The following SLC10A1 variants were observed in gnomAD, a reference collection of about 807,000 sequenced individuals.
SLC10A1 encodes solute carrier family 10 member 1.
Under a neutral mutation model 20.5 loss-of-function variants are expected in SLC10A1, and 36 were observed. That is an observed-to-expected ratio of 1.75 (90% CI 1.34 to 2.32). The LOEUF is 2.32. Ranked by LOEUF, SLC10A1 falls within the 30% of genes most tolerant of loss-of-function variation. The probability of loss-of-function intolerance (pLI) is 0.00; values close to 1 mark genes in which losing one functional copy is unlikely to be tolerated. For synonymous variants in SLC10A1, 188 were observed against 163.6 expected, an observed-to-expected ratio of 1.15 and a Z score of -1.14; for missense variants, 545 against 439.1, an observed-to-expected ratio of 1.24 and a Z score of -2.16.
Position 69,786,282 on chromosome 14 carries a change from AG to A in SLC10A1, c.381del (p.Phe128SerfsTer6), listed in dbSNP as rs1883711725. ...NLSIVMTTCS[T>X]FCALGMMPLL... ...AGAGGCATCATGCCAAGGGCACAGAAGGTGGAGCAGGTGGTCATCACAATGC... is the reference window on the plus strand; with the variant it reads ...AGAGGCATCATGCCAAGGGCACAGAAGTGGAGCAGGTGGTCATCACAATGC... On this transcript the variant is annotated frameshift_variant, in exon 2 of 5. Coordinates refer to ENST00000216540, the MANE Select transcript of SLC10A1 (RefSeq NM_003049.4). LOFTEE classifies it high-confidence loss of function. The A allele has an allele frequency of 6.2e-7, 1 of 1,613,976 alleles. No homozygotes were observed. The highest frequency in any genetic ancestry group is 8.5e-7 in the Non-Finnish European group (1 of 1,179,996).
At chr14:69,776,944 CCT>C (rs1176989937) in intron 4 of SLC10A1, among the ~76,000 whole-genome samples, 5 of 152,208 alleles carry the variant, frequency 3.3e-5, no homozygotes, top group Non-Finnish European at 7.3e-5. Flanking sequence ...ATTCCTCCCC[CCT>C]GAGAATAGCT....
chr14:69,777,585 T>G (rs964850657), intron 4 of SLC10A1, among the ~76,000 whole-genome samples: 8 of 89,764 alleles, frequency 8.9e-5, no homozygotes, highest in African/African-American at 2.0e-4. Context: ...CCTGTTTTTT[T>G]TTTTTTTTTT....
Position 69,776,239 on chromosome 14 carries a change from C to T in SLC10A1, c.*43G>A. On this transcript the variant is annotated 3_prime_UTR_variant, in exon 5 of 5. Coordinates refer to ENST00000216540, the MANE Select transcript of SLC10A1 (RefSeq NM_003049.4). ...CTCTCTAGTTTACCACACTGGCTTT[C>T]AGAATTGCTTTGGGACCAGAATCCA... is the stretch of plus-strand genomic sequence containing the variant. The T allele has an allele frequency of 6.8e-7, 1 of 1,477,064 alleles. No homozygotes were observed. The allele number at this position is 1,477,064 out of a possible 1,614,324, so 91.5% of individuals were successfully genotyped here.
chr14:69,785,757 C>T (rs1467098025), intron 2 of SLC10A1, among the ~76,000 whole-genome samples: 1 of 147,018 alleles, frequency 6.8e-6, no homozygotes, highest in African/African-American at 2.5e-5. Context: ...GCTACCATGC[C>T]CGGCTAATTT....
chr14:69,777,825 G>A (rs1883485471), intron 4 of SLC10A1, among the ~76,000 whole-genome samples: 1 of 150,970 alleles, frequency 6.6e-6, no homozygotes, highest in East Asian at 1.9e-4. Flanking sequence ...TGCGTAACTA[G>A]AGTTGAGGAA....
chr14:69,782,808 GAAA>G (rs35397817), intron 2 of SLC10A1, among the ~76,000 whole-genome samples: 5 of 102,710 alleles, frequency 4.9e-5, no homozygotes, highest in Non-Finnish European at 4.0e-5. Flanking sequence ...ACTCCGTCTC[GAAA>G]AAAAAAAAAA....
At position 69,789,932 on chromosome 14, in the gene SLC10A1, T is replaced by C. The variant is rs1359764664; in HGVS notation, c.357-3625A>G. Among the ~76,000 whole-genome samples the C allele has an allele frequency of 3.3e-5, 5 of 151,718 alleles. No individual in the cohort carries two copies. In the East Asian group the frequency reaches 9.6e-4, roughly 29 times the overall value. On this transcript the variant is annotated intron_variant, in intron 1 of 4. Transcript: ENST00000216540. ...AAATAGGGTTTTTTTTTTTTCTTTTTTTTTTTAAAGGCCAATTAAATAGGC... is the reference window on the plus strand; with the variant it reads ...AAATAGGGTTTTTTTTTTTTCTTTTCTTTTTTAAAGGCCAATTAAATAGGC...
At chr14:69,782,214 G>A (rs1479749433) in intron 2 of SLC10A1, among the ~76,000 whole-genome samples, 1 of 152,152 alleles carries the variant, frequency 6.6e-6, no homozygotes, top group Non-Finnish European at 1.5e-5. Context: ...GTTTAGCCAG[G>A]GGCAAAATGG....
intron 4 of SLC10A1, 49 bp from the exon 5 acceptor site, chr14:69,776,437 G>A (rs1337313410): frequency 1.4e-6 from 2 of 1,406,958 alleles, no homozygotes; most frequent in African/African-American, 2.8e-5. Context: ...CAAGAGGAGT[G>A]AACAATGAAG....
intron 4 of SLC10A1, among the ~76,000 whole-genome samples, chr14:69,777,736 C>T (rs747117731): frequency 1.3e-5 from 2 of 151,624 alleles, no homozygotes; most frequent in South Asian, 2.1e-4. Context: ...CCATAGTGAT[C>T]AGAGTAAAGT....
chr14:69,786,948 A>G (rs1046236970), intron 1 of SLC10A1, among the ~76,000 whole-genome samples: 5 of 152,230 alleles, frequency 3.3e-5, no homozygotes, highest in African/African-American at 1.2e-4. Context: ...TACTAGAAAA[A>G]TCAATAAACA....
intron 4 of SLC10A1, 39 bp from the exon 5 acceptor site, chr14:69,776,427 C>CA: frequency 1.3e-5 from 19 of 1,489,712 alleles, no homozygotes; most frequent in Non-Finnish European, 1.8e-5. Flanking sequence ...AGAGAGAGAA[C>CA]AAGAGGAGTG....
intron 1 of SLC10A1, 52 bp downstream of exon 1, chr14:69,796,748 T>A (rs1353265801): frequency 1.4e-6 from 2 of 1,417,212 alleles, no homozygotes; most frequent in African/African-American, 1.4e-5. Context: ...AATTGTGACA[T>A]ATCTAATGTA....
chr14:69,782,314 C>T lies in SLC10A1; in HGVS notation c.568-2954G>A, dbSNP rs142840156. On this transcript the variant is annotated intron_variant, in intron 2 of 4. Transcript: ENST00000216540. ...TTTCCAGCCAAGGTATTTCTTAGCCCTTTTAATGTTCTCTGGCTTCATTTT... is the reference window on the plus strand; with the variant it reads ...TTTCCAGCCAAGGTATTTCTTAGCCTTTTTAATGTTCTCTGGCTTCATTTT... Among the ~76,000 whole-genome samples the T allele has an allele frequency of 2.6e-3, 397 of 152,280 alleles. 2 individuals are homozygous for T. Among genetic ancestry groups the T allele is most frequent in the African/African-American group, 9.0e-3 (373 of 41,558 alleles).
intron 2 of SLC10A1, among the ~76,000 whole-genome samples, chr14:69,785,283 C>CA (rs768476270): frequency 1.3e-5 from 2 of 152,220 alleles, no homozygotes; most frequent in East Asian, 3.9e-4. Flanking sequence ...CAGTGCTTCT[C>CA]AAAACCTTTG....
intron 1 of SLC10A1, among the ~76,000 whole-genome samples, chr14:69,790,608 T>C (rs1218654839): frequency 6.6e-6 from 1 of 152,082 alleles, no homozygotes; most frequent in Non-Finnish European, 1.5e-5. Context: ...AATAAAAATT[T>C]AGTACACTAG....
At chr14:69,794,704 G>T (rs1172591093) in intron 1 of SLC10A1, among the ~76,000 whole-genome samples, 2 of 152,250 alleles carry the variant, frequency 1.3e-5, no homozygotes, top group Non-Finnish European at 2.9e-5. Flanking sequence ...GGTTTAATGT[G>T]CATGGGAGGG....
chr14:69,793,112 T>C (rs1882312061), intron 1 of SLC10A1, among the ~76,000 whole-genome samples: 1 of 152,126 alleles, frequency 6.6e-6, no homozygotes, highest in South Asian at 2.1e-4. Context: ...TGTGTGTTTG[T>C]TCTGGTGACC....
At chr14:69,793,508 C>T (rs1454119172) in intron 1 of SLC10A1, among the ~76,000 whole-genome samples, 1 of 152,154 alleles carries the variant, frequency 6.6e-6, no homozygotes, top group South Asian at 2.1e-4. Context: ...TTAAGGGACT[C>T]GTTCGAGTGT....
Sources: allele counts gnomAD v4.1 joint callset (sites outside exome capture counted in the v4.1 genomes callset), GRCh38; gene constraint gnomAD v4.1.1; transcripts MANE v1.5; gene names NCBI Gene and HGNC (gene_info 2026-07-23, HGNC 2026-07-21).